The following RUNX1 variants were observed in gnomAD, a reference collection of about 807,000 sequenced individuals.
The protein encoded by RUNX1 is runt-related transcription factor 1.
Under a neutral mutation model 42.8 loss-of-function variants are expected in RUNX1, and 19 were observed. The ratio of observed to expected loss-of-function variants is 0.44; its 90% CI spans 0.31 to 0.65. The LOEUF (loss-of-function observed/expected upper bound fraction) is 0.65, where lower values mean the gene tolerates loss of function less well. Among genes scored for constraint, RUNX1 ranks in the 30% least tolerant of loss-of-function variants. The pLI, the probability that RUNX1 is intolerant of heterozygous loss-of-function variation, is 0.07. For missense variants in RUNX1, 528 were observed against 672.0 expected (o/e 0.79, Z 2.37); for synonymous variants, 271 against 289.4 (o/e 0.94, Z 0.64).
chr21:34,793,668 G>T (rs1171331641), intron 8 of RUNX1, among the ~76,000 whole-genome samples: 1 of 151,838 alleles, frequency 6.6e-6, no homozygotes, highest in African/African-American at 2.4e-5. Context: ...CAGGTGGTCA[G>T]TATAGGGACT....
At chr21:34,801,229 G>A (rs918804448) in intron 7 of RUNX1, among the ~76,000 whole-genome samples, 1 of 151,824 alleles carries the variant, frequency 6.6e-6, no homozygotes, top group African/African-American at 2.4e-5. Flanking sequence ...AAACAAAAGA[G>A]GTTTCAGAAC....
intron 2 of RUNX1, among the ~76,000 whole-genome samples, chr21:34,915,713 A>G (rs962868732): frequency 2.0e-5 from 3 of 152,230 alleles, no homozygotes; most frequent in African/African-American, 4.8e-5. Flanking sequence ...CAAGAGATCA[A>G]TGATGTTTGG....
At chr21:34,824,051 C>T (rs1172535425) in intron 7 of RUNX1, among the ~76,000 whole-genome samples, 1 of 152,180 alleles carries the variant, frequency 6.6e-6, no homozygotes, top group Non-Finnish European at 1.5e-5. Context: ...ATTGTGGCAT[C>T]CTGTGTCTGG....
intron 2 of RUNX1, among the ~76,000 whole-genome samples, chr21:34,939,485 T>G (rs146020399): frequency 6.6e-6 from 1 of 152,136 alleles, no homozygotes; most frequent in Non-Finnish European, 1.5e-5. Flanking sequence ...AGAAAACACG[T>G]AAGAGAGAGT....
chr21:35,003,749 C>T lies in RUNX1; in HGVS notation c.58+45093G>A, dbSNP rs914973398. The stretch of plus-strand genomic sequence containing the variant: ...AGATGCTTCCCTTAGGAAGAGAAGC[C>T]CACTGTCTCTCTGAGAGGAGAAACT... On this transcript the variant is annotated intron_variant, in intron 2 of 8. Transcript: ENST00000675419. 2.0e-5 allele frequency among the ~76,000 whole-genome samples: 3 copies of T among 152,086 alleles called. No homozygotes were observed. In the South Asian group the frequency reaches 6.2e-4, roughly 32 times the overall value.
intron 2 of RUNX1, among the ~76,000 whole-genome samples, chr21:34,950,595 C>T (rs1343536289): frequency 1.3e-5 from 2 of 152,060 alleles, no homozygotes; most frequent in Non-Finnish European, 2.9e-5. Context: ...AAATTAGCTG[C>T]GCATGGTGGC....
At chr21:34,880,414 AT>A (rs2057879582) in intron 5 of RUNX1, 142 bp downstream of exon 5, 13 of 751,522 alleles carry the variant, frequency 1.7e-5, no homozygotes, top group South Asian at 9.8e-5. Flanking sequence ...TCAAATAAAT[AT>A]TTTTAAGAGC....
chr21:34,992,763 C>T (rs554981375), intron 2 of RUNX1, among the ~76,000 whole-genome samples: 100 of 152,168 alleles, frequency 6.6e-4, no homozygotes, highest in Admixed American at 3.1e-3. Context: ...TCCACACAAA[C>T]GCCTTCGTGG....
At chr21:34,806,702 C>T (rs1463370207) in intron 7 of RUNX1, among the ~76,000 whole-genome samples, 2 of 151,992 alleles carry the variant, frequency 1.3e-5, no homozygotes, top group Non-Finnish European at 2.9e-5. Context: ...GAAGATTCAC[C>T]AAGATAAGCC....
chr21:34,881,561 G>C lies in RUNX1; in HGVS notation c.352-848C>G, dbSNP rs750950679. ...AGGGGTGGAATTGGGTTGCATTTTT[G>C]TATCTGTGAGTCTCAGCGTGTGTAA... On this transcript the variant is annotated intron_variant, in intron 4 of 8. Transcript: ENST00000675419. Among the ~76,000 whole-genome samples the C allele has an allele frequency of 3.3e-5, 5 of 152,158 alleles. No homozygotes were observed. In the East Asian group the frequency reaches 5.8e-4, roughly 18 times the overall value.
chr21:34,839,052 A>G (rs1403038526), intron 6 of RUNX1, among the ~76,000 whole-genome samples: 1 of 152,110 alleles, frequency 6.6e-6, no homozygotes, highest in African/African-American at 2.4e-5. Flanking sequence ...ATTTCTTCTC[A>G]TATCGTTAAG....
chr21:34,907,709 C>T lies in RUNX1; in HGVS notation c.59-14746G>A, dbSNP rs560331638. On this transcript the variant is annotated intron_variant, in intron 2 of 8. Coordinates refer to ENST00000675419, the MANE Select transcript of RUNX1 (RefSeq NM_001754.5). This position sits in a 1 kb window ranked among gnomAD's most constrained non-coding sequence, Gnocchi z 5.3. The stretch of plus-strand genomic sequence containing the variant: ...AGAAAACCAATTAAATCATAACTGC[C>T]GAAGTGCCTTGTCAAGCTAAACAGT... 2.1e-4 allele frequency among the ~76,000 whole-genome samples: 32 copies of T among 152,206 alleles called. No individual in the cohort carries two copies. Among genetic ancestry groups the T allele is most frequent in the East Asian group, 1.9e-4 (1 of 5,180 alleles).
intron 2 of RUNX1, among the ~76,000 whole-genome samples, chr21:35,037,163 T>C (rs1405012148): frequency 6.6e-6 from 1 of 152,178 alleles, no homozygotes; most frequent in East Asian, 1.9e-4. Flanking sequence ...TGATATCACC[T>C]TCGATGGATT....
chr21:34,897,933 G>A (rs372948638), intron 2 of RUNX1, among the ~76,000 whole-genome samples: 2 of 152,290 alleles, frequency 1.3e-5, no homozygotes, highest in East Asian at 1.9e-4. Context: ...TCATGCAACA[G>A]AGAGATTTTC....
intron 2 of RUNX1, among the ~76,000 whole-genome samples, chr21:35,047,668 T>A (rs2059410517): frequency 6.6e-6 from 1 of 151,576 alleles, no homozygotes; most frequent in South Asian, 2.1e-4. Flanking sequence ...TTTGCTGTGA[T>A]AAAGTGGCCG....
At chr21:34,899,812 G>C (rs2058163327) in intron 2 of RUNX1, among the ~76,000 whole-genome samples, 1 of 152,186 alleles carries the variant, frequency 6.6e-6, no homozygotes, top group Admixed American at 6.5e-5. Flanking sequence ...TGTATTACCA[G>C]TCAAATTTCC....
chr21:34,793,545 C>G (rs996925274), intron 8 of RUNX1, among the ~76,000 whole-genome samples: 2 of 151,994 alleles, frequency 1.3e-5, no homozygotes, highest in Admixed American at 1.3e-4. Flanking sequence ...ACTTCCTGAC[C>G]TGTTAAAATG....
At chr21:34,996,461 T>C (rs2058997064) in intron 2 of RUNX1, among the ~76,000 whole-genome samples, 1 of 152,120 alleles carries the variant, frequency 6.6e-6, no homozygotes, top group African/African-American at 2.4e-5. Flanking sequence ...TGCTGTGTCA[T>C]GCGTCTGACC....
At chr21:35,044,760 C>T (rs529671917) in intron 2 of RUNX1, among the ~76,000 whole-genome samples, 1 of 152,306 alleles carries the variant, frequency 6.6e-6, no homozygotes, top group South Asian at 2.1e-4. Context: ...CAGCATCTCA[C>T]CAGGCTTGAT....
Sources: gnomAD v4.1 joint callset for allele counts (sites outside exome capture counted in the v4.1 genomes callset) on GRCh38, gnomAD v4.1.1 for gene constraint, Gnocchi (gnomAD v3.1) non-coding constraint, MANE v1.5 for transcripts, NCBI Gene and HGNC (gene_info 2026-07-23, HGNC 2026-07-21) for gene names.